The following AGBL4 variants were observed in gnomAD, a reference collection of about 807,000 sequenced individuals.
The protein encoded by AGBL4 is cytosolic carboxypeptidase 6.
AGBL4 carries 58 observed loss-of-function variants against 66.4 expected under a neutral mutation model. That is an observed-to-expected ratio of 0.87 (90% CI 0.71 to 1.09). The LOEUF (loss-of-function observed/expected upper bound fraction) is 1.09. Ranked by LOEUF, AGBL4 falls within the 50% of genes least tolerant of loss-of-function variation. AGBL4 has a pLI of 0.00. For missense variants in AGBL4, 579 were observed against 631.0 expected (o/e 0.92, Z 0.88); for synonymous variants, 234 against 222.9 (o/e 1.05, Z -0.44).
intron 6 of AGBL4, among the ~76,000 whole-genome samples, chr1:48,746,673 C>T (rs1393100394): frequency 2.0e-5 from 3 of 152,204 alleles, no homozygotes; most frequent in African/African-American, 7.2e-5. Flanking sequence ...AGGGAATGTT[C>T]AGGAGACCTG....
intron 8 of AGBL4, among the ~76,000 whole-genome samples, chr1:48,635,936 G>C (rs537042530): frequency 1.3e-5 from 2 of 152,308 alleles, no homozygotes; most frequent in South Asian, 4.1e-4. Flanking sequence ...TTCTTTGTTA[G>C]AAAACTCTTT....
intron 3 of AGBL4, among the ~76,000 whole-genome samples, chr1:49,409,085 C>A (rs1032467010): frequency 6.6e-5 from 10 of 151,874 alleles, no homozygotes; most frequent in African/African-American, 2.4e-4. Context: ...TTCTAAATCC[C>A]TTCCTTTCTC....
intron 4 of AGBL4, among the ~76,000 whole-genome samples, chr1:49,056,380 T>C (rs1644309531): frequency 6.6e-6 from 1 of 151,712 alleles, no homozygotes; most frequent in African/African-American, 2.4e-5. Context: ...AAAAGCAAGA[T>C]AAGGGGATAG....
intron 5 of AGBL4, among the ~76,000 whole-genome samples, chr1:48,921,330 A>C (rs1455845268): frequency 2.6e-5 from 4 of 152,256 alleles, no homozygotes; most frequent in Non-Finnish European, 5.9e-5. Flanking sequence ...TGTGCTGGAC[A>C]CTGGAGATGC....
At chr1:49,802,676 TTAA>T (rs1644890232) in intron 2 of AGBL4, among the ~76,000 whole-genome samples, 1 of 152,168 alleles carries the variant, frequency 6.6e-6, no homozygotes, top group South Asian at 2.1e-4. Context: ...CTCACTAAAC[TTAA>T]TAATAAATGC....
intron 1 of AGBL4, among the ~76,000 whole-genome samples, chr1:49,961,881 T>C (rs1657148756): frequency 1.3e-5 from 2 of 152,142 alleles, no homozygotes; most frequent in South Asian, 4.1e-4. Flanking sequence ...AATAGTTTTG[T>C]GTACAGCACC....
At chr1:48,563,114 C>T (rs1644421757) in intron 11 of AGBL4, among the ~76,000 whole-genome samples, 1 of 152,180 alleles carries the variant, frequency 6.6e-6, no homozygotes, top group Non-Finnish European at 1.5e-5. Flanking sequence ...TTTGGCTGTG[C>T]CCACTGTGGA....
Position 49,567,287 on chromosome 1 carries a change from C to T in AGBL4, c.282+130026G>A, listed in dbSNP as rs527696751. 8.5e-5 allele frequency among the ~76,000 whole-genome samples: 13 copies of T among 152,322 alleles called. No homozygotes were observed. In the South Asian group the frequency reaches 1.0e-3, roughly 12 times the overall value. On this transcript the variant is annotated intron_variant, in intron 3 of 13. Transcript: ENST00000371839. ...GCCTCGCCCTGCTTTGGCTCACGCACGGTGCACTGCACCCACTGTCCTGCA... is the reference window on the plus strand; with the variant it reads ...GCCTCGCCCTGCTTTGGCTCACGCATGGTGCACTGCACCCACTGTCCTGCA...
At chr1:48,726,756 G>A (rs995771176) in intron 6 of AGBL4, among the ~76,000 whole-genome samples, 2 of 152,186 alleles carry the variant, frequency 1.3e-5, no homozygotes, top group African/African-American at 4.8e-5. Context: ...GAAACCAGAG[G>A]CCACTTTTCT....
chr1:49,780,788 T>C (rs11205646), intron 2 of AGBL4, among the ~76,000 whole-genome samples: 11,143 of 151,978 alleles, frequency 0.073, 1,285 homozygotes, highest in African/African-American at 0.24. Flanking sequence ...CTTAATTCAA[T>C]TGATGGCAAT....
intron 6 of AGBL4, among the ~76,000 whole-genome samples, chr1:48,763,578 G>A (rs1257739218): frequency 1.3e-5 from 2 of 152,098 alleles, no homozygotes; most frequent in Non-Finnish European, 2.9e-5. Flanking sequence ...CAAAGCTCCT[G>A]GACTAGTCTT....
chr1:49,895,862 G>A (rs1166510389), intron 1 of AGBL4, among the ~76,000 whole-genome samples: 1 of 150,350 alleles, frequency 6.7e-6, no homozygotes, highest in Non-Finnish European at 1.5e-5. Context: ...GGCAACACAA[G>A]TCCTTATTTA....
At chr1:48,551,736 C>T (rs1365333311) in intron 11 of AGBL4, among the ~76,000 whole-genome samples, 2 of 151,976 alleles carry the variant, frequency 1.3e-5, no homozygotes, top group South Asian at 2.1e-4. Flanking sequence ...GTAAAATTGG[C>T]GGGCAGTTGA....
intron 5 of AGBL4, among the ~76,000 whole-genome samples, chr1:48,883,130 C>T (rs574807639): frequency 6.6e-6 from 1 of 152,224 alleles, no homozygotes; most frequent in East Asian, 1.9e-4. Flanking sequence ...GGGTATACAC[C>T]CAGAAATGGA....
chr1:48,972,797 G>C (rs1054564657), intron 5 of AGBL4, among the ~76,000 whole-genome samples: 2 of 152,032 alleles, frequency 1.3e-5, no homozygotes, highest in African/African-American at 4.8e-5. Flanking sequence ...CCAAAGCATA[G>C]GGGATAAAAA....
chr1:48,651,698 C>T (rs2148439999), intron 8 of AGBL4, among the ~76,000 whole-genome samples: 1 of 152,346 alleles, frequency 6.6e-6, no homozygotes, highest in Middle Eastern at 3.4e-3. Flanking sequence ...CTCTAACTCA[C>T]ACCCAAGGGT....
At chr1:48,866,959 G>A (rs568753629) in intron 6 of AGBL4, among the ~76,000 whole-genome samples, 1 of 152,256 alleles carries the variant, frequency 6.6e-6, no homozygotes, top group African/African-American at 2.4e-5. Flanking sequence ...AACATCCAGA[G>A]TATCAGCCCT....
chr1:49,454,038 A>T (rs1275915128), intron 3 of AGBL4, among the ~76,000 whole-genome samples: 2 of 151,804 alleles, frequency 1.3e-5, no homozygotes, highest in Non-Finnish European at 2.9e-5. Context: ...GCCAGCATGG[A>T]GGAATAATTT....
intron 7 of AGBL4, among the ~76,000 whole-genome samples, chr1:48,657,589 A>T (rs1337929539): frequency 1.3e-5 from 2 of 152,198 alleles, no homozygotes; most frequent in Non-Finnish European, 2.9e-5. Context: ...CCAGGGTGGA[A>T]CATGATAGTG....
Sources: gnomAD v4.1 joint callset for allele counts (sites outside exome capture counted in the v4.1 genomes callset) on GRCh38, gnomAD v4.1.1 for gene constraint, MANE v1.5 for transcripts, NCBI Gene and HGNC (gene_info 2026-07-23, HGNC 2026-07-21) for gene names.